The following RANGAP1 variants were observed in gnomAD, a reference collection of about 807,000 sequenced individuals.
The protein encoded by RANGAP1 is ran GTPase-activating protein 1.
In RANGAP1, 38 loss-of-function variants were observed where a neutral mutation model predicts 63.5. The ratio of observed to expected loss-of-function variants is 0.60; its 90% CI spans 0.46 to 0.78. The LOEUF (loss-of-function observed/expected upper bound fraction) is 0.78, where lower values mean the gene tolerates loss of function less well. Among genes scored for constraint, RANGAP1 ranks in the 30% least tolerant of loss-of-function variants. RANGAP1 has a pLI of 0.00. For missense variants in RANGAP1, 630 were observed against 740.3 expected, an observed-to-expected ratio of 0.85 and a Z score of 1.73; for synonymous variants, 329 against 310.5, an observed-to-expected ratio of 1.06 and a Z score of -0.63.
chr22:41,268,195 C>A (rs1167838046), intron 3 of RANGAP1, 39 bp from the exon 4 acceptor site: 2 of 1,448,578 alleles, frequency 1.4e-6, no homozygotes, highest in South Asian at 2.4e-5. Flanking sequence ...GGGAGAGAGA[C>A]CCCTGGAGGC....
At chr22:41,283,486 C>T (rs1039208997) in intron 1 of RANGAP1, among the ~76,000 whole-genome samples, 1 of 151,840 alleles carries the variant, frequency 6.6e-6, no homozygotes, top group Non-Finnish European at 1.5e-5. Flanking sequence ...TCCAGCCTGG[C>T]GACAGAGCAA....
At chr22:41,261,674 G>A (rs1203952665) in intron 5 of RANGAP1, 94 bp from the exon 6 acceptor site, 12 of 1,506,332 alleles carry the variant, frequency 8.0e-6, no homozygotes, top group Admixed American at 3.6e-5. Flanking sequence ...AACATCCCAC[G>A]CCACCCATCG....
In RANGAP1 at chr22:41,245,903, G is replaced by C. The variant is rs1281583953; in HGVS notation, c.*700C>G. ...ACAGACGACATCTCAGCAGCCAGGAGAAGGCCCACTAGGTCCGGGGCCAGC... is the reference window on the plus strand; with the variant it reads ...ACAGACGACATCTCAGCAGCCAGGACAAGGCCCACTAGGTCCGGGGCCAGC... On this transcript the variant is annotated 3_prime_UTR_variant, in exon 16 of 16. Coordinates refer to ENST00000356244, the MANE Select transcript of RANGAP1 (RefSeq NM_002883.4). 6.5e-6 allele frequency: 1 copy of C among 152,742 alleles called. No homozygotes were observed. The highest frequency in any genetic ancestry group is 1.5e-5 in the Non-Finnish European group (1 of 68,498). The allele number at this position is 152,742 out of a possible 1,614,324, so 9.5% of individuals were successfully genotyped here.
chr22:41,275,728 G>A (rs6519249), intron 2 of RANGAP1, among the ~76,000 whole-genome samples: 58,796 of 151,132 alleles, frequency 0.39, 12,108 homozygotes, highest in Non-Finnish European at 0.45. Context: ...GTAGTGAGCC[G>A]AGATCACACC....
At chr22:41,249,672 C>T in intron 14 of RANGAP1, 57 bp downstream of exon 14, 1 of 1,568,460 alleles carries the variant, frequency 6.4e-7, no homozygotes, top group South Asian at 1.1e-5. Flanking sequence ...GCTGGGGCAG[C>T]TTCTGTGCAG....
At chr22:41,279,641 CA>C (rs934930074) in intron 2 of RANGAP1, among the ~76,000 whole-genome samples, 25 of 141,728 alleles carry the variant, frequency 1.8e-4, no homozygotes, top group South Asian at 2.2e-4. Flanking sequence ...GACTATGTCT[CA>C]AAAAAAAAAA....
intron 3 of RANGAP1, among the ~76,000 whole-genome samples, chr22:41,273,951 GC>G (rs891294673): frequency 2.6e-5 from 4 of 152,048 alleles, no homozygotes; most frequent in Non-Finnish European, 4.4e-5. Context: ...GGTGGTGGGA[GC>G]CTGTAATCCC....
chr22:41,283,172 T>C (rs1212855408), intron 1 of RANGAP1, among the ~76,000 whole-genome samples: 1 of 148,184 alleles, frequency 6.7e-6, no homozygotes, highest in Admixed American at 6.8e-5. Flanking sequence ...TCTTGAAGCA[T>C]ATGTTCTAAA....
chr22:41,259,943 C>T (rs2034065320), intron 6 of RANGAP1, among the ~76,000 whole-genome samples: 1 of 152,028 alleles, frequency 6.6e-6, no homozygotes, highest in Admixed American at 6.6e-5. Context: ...GAAGCTTCAA[C>T]TGCAGTGGGC....
intron 1 of RANGAP1, chr22:41,285,706 G>A (rs2035719484): frequency 4.1e-6 from 4 of 983,604 alleles, no homozygotes; most frequent in Non-Finnish European, 4.8e-6. Context: ...GCCTCCGGTT[G>A]ACAACAATGC....
At chr22:41,284,258 T>A (rs2035641127) in intron 1 of RANGAP1, among the ~76,000 whole-genome samples, 2 of 148,464 alleles carry the variant, frequency 1.3e-5, no homozygotes, top group African/African-American at 5.0e-5. Context: ...AAAAATAAAA[T>A]AAAATAAAAT....
intron 5 of RANGAP1, among the ~76,000 whole-genome samples, chr22:41,262,503 G>A (rs2034229382): frequency 6.6e-6 from 1 of 152,232 alleles, no homozygotes; most frequent in Non-Finnish European, 1.5e-5. Context: ...TCTGAGAGAT[G>A]AGTGAATTGG....
the RANGAP1 span, among the ~76,000 whole-genome samples, chr22:41,299,353 C>G: frequency 6.6e-6 from 1 of 151,906 alleles, no homozygotes; most frequent in African/African-American, 2.4e-5. Context: ...GGGATGGTCT[C>G]GATCTCCTGA....
rs2033016872 is a variant in RANGAP1 at position 41,246,232 on chromosome 22, C to T, written c.*371G>A. ...CCTGGGTTCTGGCTCCGCCAGGGAG[C>T]CGGGCCGGAAGGCAGGTGGGTGGGG... On this transcript the variant is annotated 3_prime_UTR_variant, in exon 16 of 16. Coordinates refer to ENST00000356244, the MANE Select transcript of RANGAP1 (RefSeq NM_002883.4). 1 of 194,768 alleles carries T rather than the reference C, an allele frequency of 5.1e-6. No individual in the cohort carries two copies. Among genetic ancestry groups the T allele is most frequent in the Non-Finnish European group, 1.1e-5 (1 of 93,856 alleles). The allele number at this position is 194,768 out of a possible 1,614,324, so 12.1% of individuals were successfully genotyped here.
intron 11 of RANGAP1, 76 bp downstream of exon 11, chr22:41,254,232 C>T (rs1384352496): frequency 3.4e-5 from 53 of 1,541,132 alleles, no homozygotes; most frequent in Non-Finnish European, 4.5e-5. Flanking sequence ...ACACCCCCTA[C>T]CCCATTGTGA....
intron 11 of RANGAP1, among the ~76,000 whole-genome samples, chr22:41,253,222 C>T (rs2033594015): frequency 6.6e-6 from 1 of 152,176 alleles, no homozygotes; most frequent in Non-Finnish European, 1.5e-5. Flanking sequence ...GGGGAAGCTA[C>T]CTCCCTGGGA....
At chr22:41,260,696 A>C (rs561654366) in intron 6 of RANGAP1, among the ~76,000 whole-genome samples, 1 of 152,154 alleles carries the variant, frequency 6.6e-6, no homozygotes, top group Non-Finnish European at 1.5e-5. Context: ...AAAATACAAA[A>C]ATTAGCCGGG....
the RANGAP1 span, among the ~76,000 whole-genome samples, chr22:41,292,037 A>T: frequency 6.6e-6 from 1 of 151,840 alleles, no homozygotes; most frequent in African/African-American, 2.4e-5. Context: ...CCTGGGTCCA[A>T]GAGAGTCTCC....
At chr22:41,294,694 C>T in the RANGAP1 span, among the ~76,000 whole-genome samples, 33 of 143,008 alleles carry the variant, frequency 2.3e-4, no homozygotes, top group African/African-American at 7.0e-4. Flanking sequence ...GGGAGCACCT[C>T]TGCCCTGCCA....
Sources: gnomAD v4.1 joint callset for allele counts (sites outside exome capture counted in the v4.1 genomes callset) on GRCh38, gnomAD v4.1.1 for gene constraint, MANE v1.5 for transcripts, NCBI Gene and HGNC (gene_info 2026-07-23, HGNC 2026-07-21) for gene names.